AKAP6: variants seen among roughly 807,000 people sequenced by gnomAD.
AKAP6 encodes A-kinase anchor protein 6.
Under a neutral mutation model 188.5 loss-of-function variants are expected in AKAP6, and 58 were observed. The observed-to-expected ratio is 0.31, with a 90% CI of 0.25 to 0.38. The LOEUF (loss-of-function observed/expected upper bound fraction) is 0.38, where lower values mean the gene tolerates loss of function less well. Among genes scored for constraint, AKAP6 ranks in the 10% least tolerant of loss-of-function variants. The probability of loss-of-function intolerance (pLI) is 1.00; values close to 1 mark genes in which losing one functional copy is unlikely to be tolerated. For synonymous variants in AKAP6, 989 were observed against 998.6 expected, an observed-to-expected ratio of 0.99 and a Z score of 0.18; for missense variants, 2,710 against 2,740.0, an observed-to-expected ratio of 0.99 and a Z score of 0.24.
chr14:32,708,342 G>A (rs1354412973), intron 9 of AKAP6, among the ~76,000 whole-genome samples: 1 of 151,766 alleles, frequency 6.6e-6, no homozygotes, highest in African/African-American at 2.4e-5. Context: ...CTTAGACTTG[G>A]GCTGGCTCTT....
At chr14:32,352,418 C>T (rs1467663904) in intron 1 of AKAP6, among the ~76,000 whole-genome samples, 1 of 152,056 alleles carries the variant, frequency 6.6e-6, no homozygotes. Context: ...GTGGTGAGTG[C>T]ATTCAAAATC....
chr14:32,670,360 G>T (rs1239546250), intron 7 of AKAP6, among the ~76,000 whole-genome samples: 1 of 151,426 alleles, frequency 6.6e-6, no homozygotes, highest in Non-Finnish European at 1.5e-5. Context: ...GGAAGTCCTT[G>T]GGAGGGTCCA....
At chr14:32,742,362 C>T (rs886681087) in intron 11 of AKAP6, among the ~76,000 whole-genome samples, 25 of 151,430 alleles carry the variant, frequency 1.7e-4, no homozygotes, top group African/African-American at 6.0e-4. Flanking sequence ...ATTTCAATTT[C>T]TTTTATTTCT....
intron 8 of AKAP6, among the ~76,000 whole-genome samples, chr14:32,688,302 T>C (rs1333480393): frequency 6.6e-6 from 1 of 152,102 alleles, no homozygotes; most frequent in African/African-American, 2.4e-5. Flanking sequence ...TATTTCATTT[T>C]AGTATACTGA....
At chr14:32,576,188 C>A (rs10135025) in intron 4 of AKAP6, among the ~76,000 whole-genome samples, 65,891 of 151,864 alleles carry the variant, frequency 0.43, 14,643 homozygotes, top group East Asian at 0.72. Flanking sequence ...TTGAAAGGCA[C>A]ATCTGAAGAA....
chr14:32,822,479 G>T lies in AKAP6; in HGVS notation c.4666G>T (p.Ala1556Ser). Residue 1556 changes from alanine (A) to serine (S), a missense_variant, in exon 13 of 14, where the codon GCC (alanine) becomes TCC (serine). This residue lies in a region of AKAP6 where 2,473 missense variants were observed against 2,426.1 expected (regional missense o/e 1.02). Transcript: ENST00000280979. ...IEKTFTGMQN[A>S]KQLSLLSHSS... Reference sequence around the variant, plus strand: ...AAAGACATTCACTGGCATGCAGAATGCCAAACAGCTCTCCCTTTTATCTCA... The same window carrying T: ...AAAGACATTCACTGGCATGCAGAATTCCAAACAGCTCTCCCTTTTATCTCA... 5 of 1,614,018 alleles carry T rather than the reference G, an allele frequency of 3.1e-6. No homozygotes were observed. The highest frequency in any genetic ancestry group is 4.2e-6 in the Non-Finnish European group (5 of 1,179,962).
At chr14:32,394,545 A>G (rs1369607942) in intron 1 of AKAP6, among the ~76,000 whole-genome samples, 2 of 152,162 alleles carry the variant, frequency 1.3e-5, no homozygotes, top group Non-Finnish European at 2.9e-5. Flanking sequence ...AAGAACAATC[A>G]AGGTTACCTA....
At chr14:32,796,293 G>A (rs1249249121) in intron 12 of AKAP6, among the ~76,000 whole-genome samples, 1 of 152,056 alleles carries the variant, frequency 6.6e-6, no homozygotes, top group African/African-American at 2.4e-5. Context: ...AATTCATATG[G>A]AACCAAAAAA....
intron 11 of AKAP6, among the ~76,000 whole-genome samples, chr14:32,743,220 T>C (rs1338873219): frequency 6.6e-6 from 1 of 152,210 alleles, no homozygotes; most frequent in Non-Finnish European, 1.5e-5. Context: ...TGGCATGGAA[T>C]CTTTTTCTGT....
intron 2 of AKAP6, among the ~76,000 whole-genome samples, chr14:32,523,085 C>A (rs975164048): frequency 9.2e-5 from 14 of 151,798 alleles, no homozygotes; most frequent in Non-Finnish European, 1.3e-4. Context: ...GGACAAAAAA[C>A]CAAACACCGC....
chr14:32,580,868 C>A (rs1421374716), intron 5 of AKAP6, among the ~76,000 whole-genome samples: 4 of 152,162 alleles, frequency 2.6e-5, no homozygotes, highest in African/African-American at 9.7e-5. Context: ...CATGTCCCTG[C>A]AAAGAACATG....
intron 11 of AKAP6, among the ~76,000 whole-genome samples, chr14:32,752,991 A>G (rs1029655981): frequency 6.6e-6 from 1 of 152,158 alleles, no homozygotes; most frequent in African/African-American, 2.4e-5. Context: ...CTTGATTATT[A>G]TGAATAATGC....
At chr14:32,365,433 G>A (rs945893010) in intron 1 of AKAP6, among the ~76,000 whole-genome samples, 9 of 152,118 alleles carry the variant, frequency 5.9e-5, no homozygotes, top group African/African-American at 2.2e-4. Flanking sequence ...GACACCCCCA[G>A]GACCTGTCAA....
At chr14:32,336,933 A>G (rs1010255840) in intron 1 of AKAP6, among the ~76,000 whole-genome samples, 2 of 152,208 alleles carry the variant, frequency 1.3e-5, no homozygotes, top group African/African-American at 4.8e-5. Context: ...AAAGTAGCCC[A>G]TGGAAAACCA....
intron 12 of AKAP6, among the ~76,000 whole-genome samples, chr14:32,809,957 A>G (rs1192350604): frequency 6.6e-6 from 1 of 152,200 alleles, no homozygotes; most frequent in Admixed American, 6.5e-5. Context: ...GAAAAAAGCA[A>G]CCAAGCTTTA....
At chr14:32,788,347 C>T (rs1221388302) in intron 12 of AKAP6, among the ~76,000 whole-genome samples, 2 of 152,090 alleles carry the variant, frequency 1.3e-5, no homozygotes, top group Non-Finnish European at 2.9e-5. Context: ...CTATAAAAAC[C>T]CTAGAAGGGA....
intron 4 of AKAP6, among the ~76,000 whole-genome samples, chr14:32,567,815 C>T (rs1028992500): frequency 6.6e-6 from 1 of 152,076 alleles, no homozygotes; most frequent in Non-Finnish European, 1.5e-5. Context: ...AAGGAGTCAG[C>T]CCTTTTCACT....
rs1162081172 is a variant in AKAP6, at chr14:32,485,942, T to C, written c.325-49612T>C. Among the ~76,000 whole-genome samples, 3 of 152,364 alleles carry C rather than the reference T, an allele frequency of 2.0e-5. No homozygotes were observed. The East Asian group carries it at 5.8e-4, about 29-fold the overall frequency. ...AGGTTTTCTTCTTCTAGAGTTTTTA[T>C]GGTTTTAGGCCTTACGTTTAAATCT... On this transcript the variant is annotated intron_variant, in intron 2 of 13. Coordinates refer to ENST00000280979, the MANE Select transcript of AKAP6 (RefSeq NM_004274.5).
At chr14:32,352,559 C>T (rs974676453) in intron 1 of AKAP6, among the ~76,000 whole-genome samples, 10 of 152,082 alleles carry the variant, frequency 6.6e-5, no homozygotes, top group African/African-American at 2.4e-4. Flanking sequence ...TCCATCTCTC[C>T]CTCCCTCTCT....
Sources: allele counts gnomAD v4.1 joint callset (sites outside exome capture counted in the v4.1 genomes callset), GRCh38; gene constraint gnomAD v4.1.1; regional missense constraint gnomAD v4.1.1; transcripts MANE v1.5; gene names NCBI Gene and HGNC (gene_info 2026-07-23, HGNC 2026-07-21).